Variants in SCMH1 observed in about 807,000 individuals in gnomAD.
The protein encoded by SCMH1 is polycomb protein SCMH1.
In SCMH1, 37 loss-of-function variants were observed where a neutral mutation model predicts 70.8. That is an observed-to-expected ratio of 0.52 (90% CI 0.40 to 0.69). The LOEUF (loss-of-function observed/expected upper bound fraction) is 0.69, where lower values mean the gene tolerates loss of function less well. Ranked by LOEUF, SCMH1 falls within the 30% of genes least tolerant of loss-of-function variation. The pLI, the probability that SCMH1 is intolerant of heterozygous loss-of-function variation, is 0.00. For synonymous variants in SCMH1, 292 were observed against 307.4 expected, an observed-to-expected ratio of 0.95 and a Z score of 0.52; for missense variants, 607 against 827.3, an observed-to-expected ratio of 0.73 and a Z score of 3.27.
chr1:41,122,818 T>G (rs1247812732), intron 6 of SCMH1, among the ~76,000 whole-genome samples: 1 of 152,170 alleles, frequency 6.6e-6, no homozygotes, highest in Non-Finnish European at 1.5e-5. Flanking sequence ...TAAAACTTCA[T>G]AAAGAACCAC....
At chr1:41,237,532 A>G (rs1431648618) in intron 1 of SCMH1, among the ~76,000 whole-genome samples, 1 of 152,220 alleles carries the variant, frequency 6.6e-6, no homozygotes, top group East Asian at 1.9e-4. Context: ...ATCCAGAATC[A>G]ACTCCAAACT....
rs569922658 is a variant in SCMH1, at chr1:41,182,555, A to G, written c.13+3566T>C. Among the ~76,000 whole-genome samples, 7 of 152,136 alleles carry G rather than the reference A, an allele frequency of 4.6e-5. No homozygotes were observed. In the South Asian group the frequency reaches 1.5e-3, roughly 32 times the overall value. ...AACACAGTGAGACCTCGTCTCTACA[A>G]AAAAATTAAAAAATTAGCTAGGTGT... On this transcript the variant is annotated intron_variant, in intron 2 of 14. Transcript: ENST00000337495.
chr1:41,101,138 T>TTG (rs1303374668), intron 8 of SCMH1, among the ~76,000 whole-genome samples: 1 of 152,094 alleles, frequency 6.6e-6, no homozygotes, highest in Non-Finnish European at 1.5e-5. Flanking sequence ...TGAAAAGGTT[T>TTG]TGGATGAAAG....
intron 6 of SCMH1, among the ~76,000 whole-genome samples, chr1:41,117,679 T>C: frequency 6.6e-6 from 1 of 152,200 alleles, no homozygotes. Flanking sequence ...TGGCTCTGCC[T>C]TTTAGTTAGC....
At chr1:41,041,123 T>C (rs748066289) in intron 12 of SCMH1, among the ~76,000 whole-genome samples, 31 of 152,194 alleles carry the variant, frequency 2.0e-4, no homozygotes, top group Non-Finnish European at 2.1e-4. Flanking sequence ...GGGTGTGAAC[T>C]GAGTGACCAA....
rs186092823 is a variant in SCMH1, at chr1:41,236,536, G to C, written c.-118+5523C>G. 1.5e-4 allele frequency among the ~76,000 whole-genome samples: 23 copies of C among 152,348 alleles called. No individual in the cohort carries two copies. The East Asian group carries it at 4.0e-3, about 27-fold the overall frequency. On this transcript the variant is annotated intron_variant, in intron 1 of 14. Transcript: ENST00000337495. ...TCAAAATAAGAATAACAGTATGGAA[G>C]ACAGACCGTTTGATTCTGGGACAAA...
At chr1:41,222,481 C>T (rs765134888) in intron 1 of SCMH1, among the ~76,000 whole-genome samples, 10 of 152,120 alleles carry the variant, frequency 6.6e-5, no homozygotes, top group Non-Finnish European at 1.2e-4. Context: ...ACCCTTGAAA[C>T]AATTACTATA....
chr1:41,178,580 C>T (rs1647708375), intron 2 of SCMH1, among the ~76,000 whole-genome samples: 1 of 152,140 alleles, frequency 6.6e-6, no homozygotes, highest in African/African-American at 2.4e-5. Flanking sequence ...GCAGTGGTTG[C>T]AATCCTAGTC....
At chr1:41,046,785 G>A (rs553098556) in intron 11 of SCMH1, 187 bp from the exon 12 acceptor site, 66 of 582,884 alleles carry the variant, frequency 1.1e-4, no homozygotes, top group Middle Eastern at 9.3e-4. Context: ...GCCTCCAACT[G>A]TAAAGGGCTT....
chr1:41,079,694 T>C (rs116732528), intron 8 of SCMH1, among the ~76,000 whole-genome samples: 217 of 152,264 alleles, frequency 1.4e-3, no homozygotes, highest in Non-Finnish European at 2.6e-3. Context: ...AGACCCCATC[T>C]CTACAAAAAC....
At position 41,200,481 on chromosome 1, in the gene SCMH1, A is replaced by G. The variant is rs145487677; in HGVS notation, c.-117-14231T>C. On this transcript the variant is annotated intron_variant, in intron 1 of 14. Transcript: ENST00000337495. The stretch of plus-strand genomic sequence containing the variant: ...AGCGAGAGCAAAACTCGTCTCAAAA[A>G]AATATATAAATAAATGTAATAATAA... Among the ~76,000 whole-genome samples, 808 of 147,722 alleles carry G rather than the reference A, an allele frequency of 5.5e-3. 4 individuals carry two copies. Among genetic ancestry groups the G allele is most frequent in the African/African-American group, 0.018 (746 of 40,860 alleles).
chr1:41,230,622 C>A (rs1217624019), intron 1 of SCMH1, among the ~76,000 whole-genome samples: 1 of 151,238 alleles, frequency 6.6e-6, no homozygotes, highest in Admixed American at 6.6e-5. Flanking sequence ...CGCATCACTG[C>A]ACTCCAGCCT....
At chr1:41,059,177 G>T (rs190066844) in intron 10 of SCMH1, among the ~76,000 whole-genome samples, 1 of 152,336 alleles carries the variant, frequency 6.6e-6, no homozygotes, top group Admixed American at 6.5e-5. Flanking sequence ...GATACAGACA[G>T]GAGACAGGGA....
chr1:41,086,355 G>C (rs78317722), intron 8 of SCMH1, among the ~76,000 whole-genome samples: 11,860 of 151,948 alleles, frequency 0.078, 593 homozygotes, highest in South Asian at 0.12. Flanking sequence ...AAATACTCAG[G>C]AACAAAGTTA....
intron 4 of SCMH1, among the ~76,000 whole-genome samples, chr1:41,158,295 T>C (rs923429578): frequency 2.2e-4 from 33 of 152,180 alleles, no homozygotes; most frequent in Non-Finnish European, 1.8e-4. Flanking sequence ...TTCAGTCTAG[T>C]GACAGACAGA....
rs1403196835 is a variant in SCMH1, at chr1:41,231,214, G to T, written c.-118+10845C>A. ...TACATAAGAAACTGAGGCAGAAAAA[G>T]TTCATATGACATCCACCTAGTATAC... On this transcript the variant is annotated intron_variant, in intron 1 of 14. Transcript: ENST00000337495. 2.0e-5 allele frequency among the ~76,000 whole-genome samples: 3 copies of T among 152,236 alleles called. No homozygotes were observed. The East Asian group carries it at 5.8e-4, about 29-fold the overall frequency.
chr1:41,225,761 A>G (rs1365698455), intron 1 of SCMH1, among the ~76,000 whole-genome samples: 3 of 152,232 alleles, frequency 2.0e-5, no homozygotes, highest in Non-Finnish European at 4.4e-5. Flanking sequence ...GTGGTTTAAG[A>G]ATAGGATCTA....
chr1:41,046,491 G>T (rs140512000), exon 12 of SCMH1: 1 of 1,614,220 alleles, frequency 6.2e-7, no homozygotes, highest in East Asian at 2.2e-5. Flanking sequence ...TTGCCAAACA[G>T]ATTGTCACTA....
chr1:41,229,681 T>C (rs1660934037), intron 1 of SCMH1, among the ~76,000 whole-genome samples: 1 of 151,990 alleles, frequency 6.6e-6, no homozygotes, highest in Non-Finnish European at 1.5e-5. Context: ...ATGGCACATG[T>C]ATACCTATGT....
Sources: gnomAD v4.1 joint callset for allele counts (sites outside exome capture counted in the v4.1 genomes callset) on GRCh38, gnomAD v4.1.1 for gene constraint, MANE v1.5 for transcripts, NCBI Gene and HGNC (gene_info 2026-07-23, HGNC 2026-07-21) for gene names.